Variants in DNM2 observed in about 807,000 individuals in gnomAD.
DNM2 encodes dynamin 2.
A neutral mutation model predicts 99.0 loss-of-function variants in DNM2; 15 were observed. The ratio of observed to expected loss-of-function variants is 0.15; its 90% CI spans 0.10 to 0.23. The LOEUF (loss-of-function observed/expected upper bound fraction) is 0.23. Among genes scored for constraint, DNM2 ranks in the 10% least tolerant of loss-of-function variants. DNM2 has a pLI of 1.00. For missense variants in DNM2, 742 were observed against 1,189.4 expected (o/e 0.62, Z 5.53); for synonymous variants, 525 against 481.2 (o/e 1.09, Z -1.19).
At chr19:10,828,667 G>T (rs934626014) in intron 18 of DNM2, among the ~76,000 whole-genome samples, 2 of 152,016 alleles carry the variant, frequency 1.3e-5, no homozygotes, top group Non-Finnish European at 1.5e-5. Context: ...TAAAACAGGA[G>T]AAAAGACATC....
chr19:10,792,507 T>C (rs887593786), intron 7 of DNM2, among the ~76,000 whole-genome samples: 7 of 152,240 alleles, frequency 4.6e-5, no homozygotes, highest in Admixed American at 1.3e-4. Context: ...GCTGAGAGAC[T>C]CTTTTTAAGG....
At chr19:10,785,997 A>G (rs1281622416) in intron 6 of DNM2, among the ~76,000 whole-genome samples, 1 of 151,842 alleles carries the variant, frequency 6.6e-6, no homozygotes, top group African/African-American at 2.4e-5. Flanking sequence ...ACAGGGTTTC[A>G]TTGTGTTGGC....
chr19:10,753,401 T>G, intron 1 of DNM2, among the ~76,000 whole-genome samples: 1 of 26,086 alleles, frequency 3.8e-5, no homozygotes, highest in Non-Finnish European at 8.4e-5. Context: ...CCCCTCCCCC[T>G]TCCCTTCCCC....
chr19:10,782,836 T>C (rs2071424571), intron 5 of DNM2, 124 bp from the exon 6 acceptor site: 2 of 1,336,908 alleles, frequency 1.5e-6, no homozygotes, highest in Non-Finnish European at 2.1e-6. Context: ...GAGTAACATG[T>C]TATGACAGCT....
intron 5 of DNM2, among the ~76,000 whole-genome samples, chr19:10,777,636 C>G (rs2071198653): frequency 6.6e-6 from 1 of 152,024 alleles, no homozygotes; most frequent in Admixed American, 6.6e-5. Flanking sequence ...CTCTTGTCAC[C>G]CAAGCTATAG....
chr19:10,798,713 A>G (rs2072027955), intron 11 of DNM2, 141 bp downstream of exon 11: 2 of 790,164 alleles, frequency 2.5e-6, no homozygotes, highest in South Asian at 3.0e-5. Flanking sequence ...GTCACCTCCT[A>G]AAATCCCTGT....
rs545753631 is a variant in DNM2 at position 10,815,862 on chromosome 19, G to A, written c.1671+3485G>A. Among the ~76,000 whole-genome samples, 75 of 152,296 alleles carry A rather than the reference G, an allele frequency of 4.9e-4. No homozygotes were observed. The Middle Eastern group carries it at 0.01, about 21-fold the overall frequency. ...CCCCAGGATAGGCAGGACTGGGCTT[G>A]GAAGTCCCAGACTTAGAGAGAAGGC... On this transcript the variant is annotated intron_variant, in intron 15 of 20. Coordinates refer to ENST00000389253, the MANE Select transcript of DNM2 (RefSeq NM_001005361.3).
intron 1 of DNM2, among the ~76,000 whole-genome samples, chr19:10,753,687 C>T (rs926447439): frequency 4.0e-5 from 6 of 151,204 alleles, no homozygotes; most frequent in Admixed American, 3.3e-4. Flanking sequence ...GACGGAGTTT[C>T]GCTCTTTGTT....
At chr19:10,739,215 C>T (rs2069648116) in intron 1 of DNM2, among the ~76,000 whole-genome samples, 1 of 152,192 alleles carries the variant, frequency 6.6e-6, no homozygotes, top group Non-Finnish European at 1.5e-5. Context: ...TTCCCTTGTT[C>T]TTCTATGGGG....
At chr19:10,799,300 A>G (rs1270799113) in intron 11 of DNM2, among the ~76,000 whole-genome samples, 1 of 152,078 alleles carries the variant, frequency 6.6e-6, no homozygotes. Flanking sequence ...ACAGTCCTTC[A>G]AGTGGACTCC....
chr19:10,728,971 G>T (rs2069201288), intron 1 of DNM2, among the ~76,000 whole-genome samples: 1 of 148,596 alleles, frequency 6.7e-6, no homozygotes, highest in Non-Finnish European at 1.5e-5. Flanking sequence ...TGTATGCGGT[G>T]GTTCACGCCT....
intron 1 of DNM2, chr19:10,718,704 C>G (rs911630916): frequency 3.9e-6 from 1 of 255,552 alleles, no homozygotes; most frequent in Admixed American, 5.6e-5. Context: ...AGTCTGCCAT[C>G]TGGTTGGCCG....
At position 10,811,332 on chromosome 19, in the gene DNM2, A is replaced by C; in HGVS notation, c.1558-932A>C. ...GGTAGTCCGGATGAAGCCCCTCCAG[A>C]GGACCGCCCCCGACTAGGACAGCAT... On this transcript the variant is annotated intron_variant, in intron 14 of 20. Transcript: ENST00000389253. This position sits in a 1 kb window ranked among gnomAD's most constrained non-coding sequence, Gnocchi z 5.4. 2 of 212,488 alleles carry C rather than the reference A, an allele frequency of 9.4e-6. No homozygotes were observed. Among genetic ancestry groups the C allele is most frequent in the Non-Finnish European group, 2.0e-5 (2 of 102,414 alleles). The allele number at this position is 212,488 out of a possible 1,614,324, so 13.2% of individuals were successfully genotyped here.
At chr19:10,725,320 C>A (rs1915016857) in intron 1 of DNM2, among the ~76,000 whole-genome samples, 1 of 151,960 alleles carries the variant, frequency 6.6e-6, no homozygotes, top group Admixed American at 6.6e-5. Flanking sequence ...GTGGCGCATG[C>A]CTTTAGTCCC....
intron 1 of DNM2, among the ~76,000 whole-genome samples, chr19:10,724,959 G>A (rs1432825014): frequency 1.3e-5 from 2 of 152,246 alleles, no homozygotes; most frequent in Non-Finnish European, 2.9e-5. Flanking sequence ...GGCACTGCCT[G>A]TGCCTCAGTG....
Position 10,775,992 on chromosome 19 carries a change from G to T in DNM2, c.589+86G>T. On this transcript the variant is annotated intron_variant, in intron 4 of 20. Coordinates refer to ENST00000389253, the MANE Select transcript of DNM2 (RefSeq NM_001005361.3). This position sits in a 1 kb window ranked among gnomAD's most constrained non-coding sequence, Gnocchi z 4.3. The stretch of plus-strand genomic sequence containing the variant: ...GCATCCTTGGTTCCAAGTCACTGGC[G>T]TTCTCTTTAATCCATGGCCGCTGTA... 1 of 1,527,680 alleles carries T rather than the reference G, an allele frequency of 6.5e-7. No homozygotes were observed. The highest frequency in any genetic ancestry group is 8.9e-7 in the Non-Finnish European group (1 of 1,128,242). 94.6% of individuals were successfully genotyped at this position (1,527,680 alleles called of 1,614,324 possible).
At chr19:10,729,018 C>T (rs1391585427) in intron 1 of DNM2, among the ~76,000 whole-genome samples, 2 of 150,590 alleles carry the variant, frequency 1.3e-5, no homozygotes, top group African/African-American at 2.4e-5. Context: ...GGTGGGAGTT[C>T]GAGACCAGCC....
At chr19:10,742,374 C>T (rs1320702140) in intron 1 of DNM2, among the ~76,000 whole-genome samples, 3 of 152,296 alleles carry the variant, frequency 2.0e-5, no homozygotes, top group Middle Eastern at 6.8e-3. Context: ...CTCCCACCCC[C>T]GTCACCCTCA....
Position 10,808,504 on chromosome 19 carries a change from C to T in DNM2, c.1546-65C>T, listed in dbSNP as rs2146093277. On this transcript the variant is annotated intron_variant, in intron 13 of 20. Transcript: ENST00000389253. ...TTTCTTTGTCCCCTTCACGTCCCTT[C>T]CATCTCTTTTCCTTTGCCTGCTCTT... The T allele has an allele frequency of 4.4e-6, 7 of 1,584,358 alleles. No individual in the cohort carries two copies. In the East Asian group the frequency reaches 1.3e-4, roughly 31 times the overall value.
Sources: allele counts gnomAD v4.1 joint callset (sites outside exome capture counted in the v4.1 genomes callset), GRCh38; gene constraint gnomAD v4.1.1; non-coding constraint Gnocchi (gnomAD v3.1); transcripts MANE v1.5; gene names NCBI Gene and HGNC (gene_info 2026-07-23, HGNC 2026-07-21).